The following GAK variants were observed in gnomAD, a reference collection of about 807,000 sequenced individuals.
GAK encodes the protein cyclin G associated kinase, also known as cyclin-G-associated kinase.
A neutral mutation model predicts 143.9 loss-of-function variants in GAK; 79 were observed. The observed-to-expected ratio is 0.55, with a 90% CI of 0.46 to 0.66. GAK has a LOEUF of 0.66. Ranked by LOEUF, GAK falls within the 30% of genes least tolerant of loss-of-function variation. GAK has a pLI of 0.00. For missense variants in GAK, 1,693 were observed against 1,779.7 expected (o/e 0.95, Z 0.88); for synonymous variants, 881 against 765.5 (o/e 1.15, Z -2.49).
chr4:876,951 C>T (rs1194876628), intron 17 of GAK, 139 bp downstream of exon 17: 4 of 633,884 alleles, frequency 6.3e-6, no homozygotes, highest in Non-Finnish European at 1.1e-5. Context: ...GTGGGGCAGT[C>T]GCCACATGAG....
intron 1 of GAK, among the ~76,000 whole-genome samples, chr4:923,155 G>C: frequency 6.6e-6 from 1 of 152,208 alleles, no homozygotes; most frequent in East Asian, 1.9e-4. Context: ...ACCTGCACCA[G>C]GGTTAGCATC....
chr4:897,924 G>C lies in GAK; in HGVS notation c.651+109C>G, dbSNP rs1719116261. 7 of 1,292,446 alleles carry C rather than the reference G, an allele frequency of 5.4e-6. No homozygotes were observed. In the South Asian group the frequency reaches 9.5e-5, roughly 17 times the overall value. The allele number at this position is 1,292,446 out of a possible 1,614,324, so 80.1% of individuals were successfully genotyped here. On this transcript the variant is annotated intron_variant, in intron 6 of 27. Transcript: ENST00000314167. ...GGATTGCACCACTGCACTCCAGCCTGGTGACAGAGCGAGACTCAAAGCACC... is the reference window on the plus strand; with the variant it reads ...GGATTGCACCACTGCACTCCAGCCTCGTGACAGAGCGAGACTCAAAGCACC...
At chr4:859,150 C>T (rs532590876) in intron 24 of GAK, 214 of 983,752 alleles carry the variant, frequency 2.2e-4, no homozygotes, top group Non-Finnish European at 2.5e-4. Context: ...CTGAGGCAGA[C>T]GTGGGACCGG....
chr4:885,536 A>C (rs550730301), intron 11 of GAK, among the ~76,000 whole-genome samples: 1 of 152,292 alleles, frequency 6.6e-6, no homozygotes, highest in South Asian at 2.1e-4. Context: ...GGCCCCATGG[A>C]CCTGGCTGTG....
chr4:865,717 A>G (rs1360318557), intron 22 of GAK, among the ~76,000 whole-genome samples: 5 of 152,156 alleles, frequency 3.3e-5, no homozygotes, highest in African/African-American at 4.8e-5. Context: ...GCTGCACTCC[A>G]CACACCCGCC....
intron 7 of GAK, among the ~76,000 whole-genome samples, chr4:896,251 C>A (rs1003136504): frequency 1.3e-5 from 2 of 152,082 alleles, no homozygotes; most frequent in African/African-American, 4.8e-5. Flanking sequence ...GCCTGGGTGA[C>A]AGAGGAAGAC....
At chr4:850,148 G>C in intron 26 of GAK, 80 bp from the exon 27 acceptor site, 1 of 1,356,438 alleles carries the variant, frequency 7.4e-7, no homozygotes, top group Non-Finnish European at 1.0e-6. Flanking sequence ...GAGGCACGAC[G>C]CTGAGGAAGT....
chr4:867,281 G>C lies in GAK; in HGVS notation c.2547C>G (p.Pro849=), dbSNP rs747338275. ...GCACCAGCCCTGCTGCCAGGCCGGGGGGCTCTGGGTCGGCCCTGGGTTCCT... is the reference window on the plus strand; with the variant it reads ...GCACCAGCCCTGCTGCCAGGCCGGGCGGCTCTGGGTCGGCCCTGGGTTCCT... ...EGQEPRADPE[P]PGLAAGLVQQ... Residue 849 remains proline, a synonymous_variant, in exon 21 of 28, where the codon CCC becomes CCG. Coordinates refer to ENST00000314167, the MANE Select transcript of GAK (RefSeq NM_005255.4). The C allele has an allele frequency of 1.2e-6, 2 of 1,613,080 alleles. No individual in the cohort carries two copies. The highest frequency in any genetic ancestry group is 2.2e-5 in the South Asian group (2 of 90,900).
chr4:876,994 T>C (rs910138211), intron 17 of GAK, 96 bp downstream of exon 17: 5 of 844,978 alleles, frequency 5.9e-6, no homozygotes, highest in African/African-American at 3.3e-5. Context: ...GCGAGCACCC[T>C]GGACCCTCGG....
At position 893,362 on chromosome 4, in the gene GAK, G is replaced by A. The variant is rs769413262; in HGVS notation, c.990+15C>T. 32 of 1,513,786 alleles carry A rather than the reference G, an allele frequency of 2.1e-5. No individual in the cohort carries two copies. Among genetic ancestry groups the A allele is most frequent in the African/African-American group, 5.6e-5 (4 of 71,036 alleles). 93.8% of individuals were successfully genotyped at this position (1,513,786 alleles called of 1,614,324 possible). A position where few individuals can be genotyped will look rare whatever the true frequency, so the allele number is the denominator to read the frequency against. On this transcript the variant is annotated intron_variant, in intron 9 of 27. Coordinates refer to ENST00000314167, the MANE Select transcript of GAK (RefSeq NM_005255.4). ...CCACTGCGGGGGATTTGGGGCTCAC[G>A]TGTGCCTCCCTCACCTCTGTGATGG...
chr4:904,823 C>G, intron 4 of GAK, 44 bp from the exon 5 acceptor site: 1 of 1,597,756 alleles, frequency 6.3e-7, no homozygotes, highest in Non-Finnish European at 8.5e-7. Context: ...GAACAGGGTC[C>G]GGAGACAGGG....
At chr4:929,223 G>C (rs538673119) in intron 1 of GAK, among the ~76,000 whole-genome samples, 1 of 152,198 alleles carries the variant, frequency 6.6e-6, no homozygotes, top group Non-Finnish European at 1.5e-5. Context: ...GCTCCTGAGC[G>C]GGCCCAGCCA....
intron 1 of GAK, among the ~76,000 whole-genome samples, chr4:929,513 T>C (rs1265629843): frequency 6.6e-6 from 1 of 152,150 alleles, no homozygotes; most frequent in Non-Finnish European, 1.5e-5. Context: ...ACACCTGCCC[T>C]GGGCATCTCT....
intron 7 of GAK, chr4:894,220 G>A (rs1253892190): frequency 2.1e-6 from 1 of 473,486 alleles, no homozygotes; most frequent in Non-Finnish European, 3.4e-6. Flanking sequence ...ACCGGGGCCT[G>A]CGGGAACAAC....
Position 911,798 on chromosome 4 carries a change from C to T in GAK, c.268-11G>A. On this transcript the variant is annotated splice_polypyrimidine_tract_variant and intron_variant, in intron 3 of 27. Transcript: ENST00000314167. Reference sequence around the variant, plus strand: ...GCCGGAAAGCTTTTTCTGCAGTTGTCTTGTTAAAGGAGAACGTACATAACC... The same window carrying T: ...GCCGGAAAGCTTTTTCTGCAGTTGTTTTGTTAAAGGAGAACGTACATAACC... The T allele has an allele frequency of 6.2e-7, 1 of 1,603,930 alleles. No individual in the cohort carries two copies. Among genetic ancestry groups the T allele is most frequent in the Non-Finnish European group, 8.5e-7 (1 of 1,170,926 alleles).
chr4:859,350 T>C, intron 24 of GAK: 1 of 1,434,086 alleles, frequency 7.0e-7, no homozygotes, highest in Non-Finnish European at 9.2e-7. Context: ...GAGGACAGGA[T>C]GGATCACGCA....
intron 24 of GAK, 24 bp downstream of exon 24, chr4:859,582 C>T (rs1474975650): frequency 7.6e-6 from 12 of 1,589,022 alleles, no homozygotes; most frequent in African/African-American, 6.7e-5. Flanking sequence ...AGCTTCCACA[C>T]CCCCAAAGTG....
chr4:894,506 G>C (rs576242000), intron 7 of GAK: 2 of 155,964 alleles, frequency 1.3e-5, no homozygotes, highest in Admixed American at 1.3e-4. Context: ...GACTGGCCGA[G>C]GGGTGGCTCC....
Position 918,012 on chromosome 4 carries a change from C to T in GAK, c.146-4344G>A, listed in dbSNP as rs1198962253. Among the ~76,000 whole-genome samples the T allele has an allele frequency of 2.0e-5, 3 of 152,168 alleles. No homozygotes were observed. The East Asian group carries it at 5.8e-4, about 29-fold the overall frequency. ...AGCTCATTGCTTGAAGTTAGCATAA[C>T]ACTAACCAAAGAAGGGTATAAATAC... On this transcript the variant is annotated intron_variant, in intron 1 of 27. Transcript: ENST00000314167.
Sources: gnomAD v4.1 joint callset for allele counts (sites outside exome capture counted in the v4.1 genomes callset) on GRCh38, gnomAD v4.1.1 for gene constraint, MANE v1.5 for transcripts, NCBI Gene and HGNC (gene_info 2026-07-23, HGNC 2026-07-21) for gene names.